The following RRBP1 variants were observed in gnomAD, a reference collection of about 807,000 sequenced individuals.
RRBP1 encodes the protein ribosome-binding protein 1.
Under a neutral mutation model 165.2 loss-of-function variants are expected in RRBP1, and 94 were observed. The observed-to-expected ratio is 0.57, with a 90% CI of 0.48 to 0.68. The LOEUF is 0.68. RRBP1 is among the 30% of genes least tolerant of loss of function. The probability of loss-of-function intolerance (pLI) is 0.00; values close to 1 mark genes in which losing one functional copy is unlikely to be tolerated. For missense variants in RRBP1, 1,676 were observed against 1,763.0 expected (o/e 0.95, Z 0.88); for synonymous variants, 680 against 714.5 (o/e 0.95, Z 0.77).
At chr20:17,629,446 G>A (rs2036102505) in intron 9 of RRBP1, among the ~76,000 whole-genome samples, 1 of 152,170 alleles carries the variant, frequency 6.6e-6, no homozygotes, top group South Asian at 2.1e-4. Flanking sequence ...GACGCCTCAG[G>A]ATCTCCCTGG....
intron 8 of RRBP1, among the ~76,000 whole-genome samples, chr20:17,630,380 G>A (rs938024963): frequency 2.0e-5 from 3 of 152,180 alleles, no homozygotes; most frequent in South Asian, 2.1e-4. Context: ...ACACACACAC[G>A]CACGGTGCAC....
At chr20:17,668,638 C>A (rs1319018110) in intron 2 of RRBP1, among the ~76,000 whole-genome samples, 8 of 152,212 alleles carry the variant, frequency 5.3e-5, no homozygotes, top group Non-Finnish European at 1.2e-4. Context: ...GACTACTGGG[C>A]AGGTGTTCTT....
At chr20:17,677,934 C>T (rs1247902865) in intron 2 of RRBP1, among the ~76,000 whole-genome samples, 3 of 152,158 alleles carry the variant, frequency 2.0e-5, no homozygotes, top group African/African-American at 7.2e-5. Context: ...ATTTATGCCA[C>T]CCAAGAACAC....
At chr20:17,642,927 C>T in intron 4 of RRBP1, 52 bp downstream of exon 4, 1 of 1,591,936 alleles carries the variant, frequency 6.3e-7, no homozygotes, top group Non-Finnish European at 8.6e-7. Flanking sequence ...GCAAAACCAC[C>T]CTAGCCAGCT....
At chr20:17,681,093 G>C (rs1417832521) in intron 1 of RRBP1, among the ~76,000 whole-genome samples, 1 of 151,668 alleles carries the variant, frequency 6.6e-6, no homozygotes, top group African/African-American at 2.4e-5. Flanking sequence ...CGGGAGAGCC[G>C]GCCGGGCCGG....
rs142894932 is a variant in RRBP1, at chr20:17,667,975, T to C, written c.-21-7447A>G. On this transcript the variant is annotated intron_variant, in intron 2 of 24. Transcript: ENST00000377813. ...CACTTGTCTTCCGGCATTTTCTTGA[T>C]GAGATGTTTAGAAACACACTGTCAG... is the stretch of plus-strand genomic sequence containing the variant. Among the ~76,000 whole-genome samples the C allele has an allele frequency of 3.2e-4, 49 of 152,346 alleles. No individual in the cohort carries two copies. In the East Asian group the frequency reaches 8.7e-3, roughly 27 times the overall value.
rs566479131 is a variant in RRBP1 at position 17,620,184 on chromosome 20, T to A, written c.3579+115A>T. ...ATCCCTTGGCTTGAGAGAGAATGCCTCTCTTAAGGCACACGGTCCATGAGG... is the reference window on the plus strand; with the variant it reads ...ATCCCTTGGCTTGAGAGAGAATGCCACTCTTAAGGCACACGGTCCATGAGG... On this transcript the variant is annotated intron_variant, in intron 18 of 24. Transcript: ENST00000377813. 2.7e-5 allele frequency: 21 copies of A among 778,918 alleles called. No individual in the cohort carries two copies. The African/African-American group carries it at 3.3e-4, about 12-fold the overall frequency. 48.3% of individuals were successfully genotyped at this position (778,918 alleles called of 1,614,324 possible).
intron 12 of RRBP1, 147 bp downstream of exon 12, chr20:17,625,365 C>A: frequency 1.4e-6 from 1 of 693,590 alleles, no homozygotes; most frequent in Non-Finnish European, 2.5e-6. Context: ...ACCCCCCACA[C>A]CCTGGACCCC....
intron 5 of RRBP1, among the ~76,000 whole-genome samples, chr20:17,641,177 T>C (rs1236043239): frequency 2.6e-5 from 4 of 152,172 alleles, no homozygotes; most frequent in Non-Finnish European, 5.9e-5. Flanking sequence ...ACAGCCCCTA[T>C]GCCATGGATC....
chr20:17,680,105 G>A (rs2037151933), intron 1 of RRBP1, 30 bp from the exon 2 acceptor site: 1 of 152,238 alleles, frequency 6.6e-6, no homozygotes, highest in African/African-American at 2.4e-5. Context: ...GCATATGATA[G>A]TGGGAGTGAC....
At chr20:17,648,670 C>G (rs558987584) in intron 3 of RRBP1, among the ~76,000 whole-genome samples, 111 of 152,338 alleles carry the variant, frequency 7.3e-4, no homozygotes, top group Non-Finnish European at 1.3e-3. Context: ...TTAATGGTAT[C>G]TAATGGAATT....
intron 3 of RRBP1, among the ~76,000 whole-genome samples, chr20:17,647,708 T>C (rs999000690): frequency 5.3e-5 from 8 of 152,170 alleles, no homozygotes; most frequent in African/African-American, 1.9e-4. Flanking sequence ...CAGCATGGAC[T>C]TGAGGGCTTG....
chr20:17,658,557 G>A (rs191933146), intron 3 of RRBP1, 39 bp downstream of exon 3: 7 of 1,512,108 alleles, frequency 4.6e-6, no homozygotes, highest in Non-Finnish European at 6.2e-6. Flanking sequence ...TTTAAAGACA[G>A]CCTTTCCTTC....
chr20:17,618,422 G>A (rs1289985195), intron 20 of RRBP1, among the ~76,000 whole-genome samples, 174 bp downstream of exon 20: 1 of 152,208 alleles, frequency 6.6e-6, no homozygotes, highest in African/African-American at 2.4e-5. Context: ...TCAGAGTTCT[G>A]GGCAAATGTG....
intron 9 of RRBP1, among the ~76,000 whole-genome samples, 173 bp from the exon 10 acceptor site, chr20:17,627,855 A>T (rs1273831198): frequency 6.6e-6 from 1 of 152,180 alleles, no homozygotes; most frequent in Non-Finnish European, 1.5e-5. Context: ...GCCTCTTGTT[A>T]GCGGTTGAAG....
At chr20:17,660,820 T>A (rs576577831) in intron 2 of RRBP1, among the ~76,000 whole-genome samples, 1 of 152,140 alleles carries the variant, frequency 6.6e-6, no homozygotes, top group Non-Finnish European at 1.5e-5. Context: ...TCAGCAGCCA[T>A]GACCCTGATG....
chr20:17,672,136 G>A (rs1223901091), intron 2 of RRBP1, among the ~76,000 whole-genome samples: 1 of 152,182 alleles, frequency 6.6e-6, no homozygotes, highest in Non-Finnish European at 1.5e-5. Context: ...CCTAGAGGTG[G>A]GCAGAGCTTC....
At chr20:17,674,953 A>G (rs2037049595) in intron 2 of RRBP1, among the ~76,000 whole-genome samples, 1 of 152,240 alleles carries the variant, frequency 6.6e-6, no homozygotes, top group South Asian at 2.1e-4. Flanking sequence ...ACAAGGAATT[A>G]AAGGATGCTC....
intron 16 of RRBP1, 129 bp downstream of exon 16, chr20:17,621,329 C>T (rs2035908662): frequency 4.6e-6 from 3 of 656,120 alleles, no homozygotes; most frequent in Admixed American, 2.6e-5. Flanking sequence ...AGCCGAAGAA[C>T]GGGGCCCAGA....
Sources: allele counts gnomAD v4.1 joint callset (sites outside exome capture counted in the v4.1 genomes callset), GRCh38; gene constraint gnomAD v4.1.1; transcripts MANE v1.5; gene names NCBI Gene and HGNC (gene_info 2026-07-23, HGNC 2026-07-21).